The following MRPL30 variants were observed in gnomAD, a reference collection of about 807,000 sequenced individuals.
The protein encoded by MRPL30 is large ribosomal subunit protein uL30m.
A neutral mutation model predicts 17.2 loss-of-function variants in MRPL30; 10 were observed. The ratio of observed to expected loss-of-function variants is 0.58; its 90% CI spans 0.36 to 0.99. MRPL30 has a LOEUF of 0.99. MRPL30 is among the 50% of genes least tolerant of loss of function. The probability of loss-of-function intolerance (pLI) is 0.01; values close to 1 mark genes in which losing one functional copy is unlikely to be tolerated. For synonymous variants in MRPL30, 61 were observed against 62.1 expected (o/e 0.98, Z 0.08); for missense variants, 170 against 189.8 (o/e 0.90, Z 0.61).
intron 2 of MRPL30, among the ~76,000 whole-genome samples, chr2:99,187,756 A>T (rs1322919921): frequency 6.6e-6 from 1 of 152,048 alleles, no homozygotes; most frequent in Non-Finnish European, 1.5e-5. Context: ...TGAACCCAGG[A>T]GGCAGAGGTT....
rs1203412451 is a variant in MRPL30 at position 99,197,838 on chromosome 2, G to C, written c.*2133G>C. 3.3e-5 allele frequency among the ~76,000 whole-genome samples: 5 copies of C among 149,622 alleles called. No individual in the cohort carries two copies. The highest frequency in any genetic ancestry group is 5.9e-5 in the Non-Finnish European group (4 of 67,306). The stretch of plus-strand genomic sequence containing the variant: ...TTTAAAATTTTTTGTAGAGCCAAGT[G>C]TTGCTATGTTGTCCACACTGATCTG... On this transcript the variant is annotated 3_prime_UTR_variant, in exon 6 of 6. Coordinates refer to ENST00000338148, the MANE Select transcript of MRPL30 (RefSeq NM_145212.4).
intron 1 of MRPL30, among the ~76,000 whole-genome samples, chr2:99,185,197 G>A (rs552250351): frequency 2.0e-5 from 3 of 150,588 alleles, no homozygotes; most frequent in South Asian, 4.2e-4. Flanking sequence ...AGTTTCATCC[G>A]GAAACCTTCC....
In MRPL30 at chr2:99,195,599, G is replaced by A. The variant is rs2093953766; in HGVS notation, c.380G>A (p.Gly127Glu). Residue 127 changes from glycine to glutamate, a missense_variant, in exon 6 of 6, where the codon GGA (glycine) becomes GAA (glutamate). By Grantham distance (98) the Gly-to-Glu change is moderately conservative. Transcript: ENST00000338148. Reference sequence around the variant, plus strand: ...ATCAAGCCCTTGAAGTTGCCACAAGGACTTCCAGCAGAGGAGAACATGTCT... The same window carrying A: ...ATCAAGCCCTTGAAGTTGCCACAAGAACTTCCAGCAGAGGAGAACATGTCT... ...IRIKPLKLPQ[G>E]LPAEENMSNT... 3 of 1,608,476 alleles carry A rather than the reference G, an allele frequency of 1.9e-6. No individual in the cohort carries two copies. The African/African-American group carries it at 4.0e-5, about 22-fold the overall frequency.
chr2:99,182,676 CG>C (rs2105239900), intron 1 of MRPL30, among the ~76,000 whole-genome samples: 1 of 152,306 alleles, frequency 6.6e-6, no homozygotes, highest in African/African-American at 2.4e-5. Flanking sequence ...AGAAACATAG[CG>C]AGACTCTGTC....
At chr2:99,183,733 T>A (rs886820135) in intron 1 of MRPL30, among the ~76,000 whole-genome samples, 2 of 152,210 alleles carry the variant, frequency 1.3e-5, no homozygotes, top group African/African-American at 4.8e-5. Flanking sequence ...CCCCCTTTCA[T>A]GTTTGGTATA....
intron 3 of MRPL30, among the ~76,000 whole-genome samples, chr2:99,191,908 C>G (rs2093947001): frequency 6.6e-6 from 1 of 151,918 alleles, no homozygotes; most frequent in Non-Finnish European, 1.5e-5. Flanking sequence ...ATATTTTGTG[C>G]TCCTTCATAC....
intron 3 of MRPL30, among the ~76,000 whole-genome samples, chr2:99,194,330 A>G (rs956884202): frequency 3.3e-5 from 5 of 152,204 alleles, no homozygotes; most frequent in African/African-American, 1.2e-4. Flanking sequence ...GGCAGAGTTC[A>G]TTAGTCATTT....
rs531583760 is a variant in MRPL30, at chr2:99,194,973, A to T, written c.279+76A>T. ...TTATACTTTTAAAACTTTGCGGTAT[A>T]CATTTATTATTTATTTTGTATTACT... is the stretch of plus-strand genomic sequence containing the variant. On this transcript the variant is annotated intron_variant, in intron 4 of 5. Coordinates refer to ENST00000338148, the MANE Select transcript of MRPL30 (RefSeq NM_145212.4). 7.3e-5 allele frequency: 101 copies of T among 1,392,836 alleles called. 1 individual carries two copies. The East Asian group carries it at 2.5e-3, about 34-fold the overall frequency. The allele number at this position is 1,392,836 out of a possible 1,614,324, so 86.3% of individuals were successfully genotyped here. A position where few individuals can be genotyped will look rare whatever the true frequency, so the allele number is the denominator to read the frequency against.
intron 5 of MRPL30, 66 bp downstream of exon 5, chr2:99,195,255 T>G (rs770072223): frequency 1.4e-6 from 2 of 1,450,308 alleles, no homozygotes; most frequent in East Asian, 4.7e-5. Context: ...TGCATTTTTC[T>G]TTTTTCGTTA....
chr2:99,190,328 G>A (rs1473300460), intron 3 of MRPL30, among the ~76,000 whole-genome samples: 1 of 152,164 alleles, frequency 6.6e-6, no homozygotes, highest in African/African-American at 2.4e-5. Flanking sequence ...GGGAGGCTGA[G>A]GCAGGAGGAT....
intron 1 of MRPL30, among the ~76,000 whole-genome samples, chr2:99,182,983 T>C (rs1421100739): frequency 6.6e-6 from 1 of 152,150 alleles, no homozygotes; most frequent in African/African-American, 2.4e-5. Flanking sequence ...ATTGGGAGTG[T>C]TGACAGTTGG....
chr2:99,193,427 C>T (rs774715462), intron 3 of MRPL30, among the ~76,000 whole-genome samples: 2 of 152,080 alleles, frequency 1.3e-5, no homozygotes, highest in Non-Finnish European at 2.9e-5. Flanking sequence ...TATTAAAATA[C>T]CATCTTTTTG....
chr2:99,184,206 G>GT (rs2093930388), intron 1 of MRPL30, among the ~76,000 whole-genome samples: 1 of 152,074 alleles, frequency 6.6e-6, no homozygotes, highest in African/African-American at 2.4e-5. Context: ...ATACCCCATC[G>GT]TTATGTTTTT....
chr2:99,190,777 C>T lies in MRPL30; in HGVS notation c.132+2520C>T, dbSNP rs116583521. On this transcript the variant is annotated intron_variant, in intron 3 of 5. Transcript: ENST00000338148. ...TAGGGGGCGAGTGGAGGGAGACCAC[C>T]AGGAAAAATAGCTAATGCATACTGG... Among the ~76,000 whole-genome samples the T allele has an allele frequency of 6.2e-3, 941 of 152,106 alleles. 6 individuals carry two copies. Among genetic ancestry groups the T allele is most frequent in the African/African-American group, 0.022 (898 of 41,492 alleles).
intron 3 of MRPL30, among the ~76,000 whole-genome samples, chr2:99,190,663 A>T (rs141324093): frequency 3.8e-4 from 58 of 152,244 alleles, no homozygotes; most frequent in Non-Finnish European, 7.1e-4. Flanking sequence ...CTTACTCTGT[A>T]TTTCTGGAAG....
chr2:99,181,370 A>T (rs2105237854), intron 1 of MRPL30, 121 bp downstream of exon 1: 2 of 167,252 alleles, frequency 1.2e-5, no homozygotes, highest in Middle Eastern at 5.8e-3. Context: ...CGGCAACCTA[A>T]ATGGGTCTGC....
At chr2:99,191,067 C>T (rs549269737) in intron 3 of MRPL30, among the ~76,000 whole-genome samples, 7 of 149,138 alleles carry the variant, frequency 4.7e-5, no homozygotes, top group African/African-American at 1.5e-4. Flanking sequence ...AGTGTGGTGG[C>T]GTGGTCTCGG....
intron 3 of MRPL30, among the ~76,000 whole-genome samples, chr2:99,190,465 T>A (rs2093943004): frequency 1.3e-5 from 2 of 151,906 alleles, no homozygotes; most frequent in Non-Finnish European, 2.9e-5. Flanking sequence ...GAGGCTGAGA[T>A]GAGAGGATCA....
chr2:99,193,477 T>C (rs2093950321), intron 3 of MRPL30, among the ~76,000 whole-genome samples: 1 of 152,204 alleles, frequency 6.6e-6, no homozygotes, highest in Non-Finnish European at 1.5e-5. Context: ...CCCAGAGCTA[T>C]GACTCTTGAT....
Sources: gnomAD v4.1 joint callset for allele counts (sites outside exome capture counted in the v4.1 genomes callset) on GRCh38, gnomAD v4.1.1 for gene constraint, MANE v1.5 for transcripts, NCBI Gene and HGNC (gene_info 2026-07-23, HGNC 2026-07-21) for gene names.